The following EYA1 variants were observed in gnomAD, a reference collection of about 807,000 sequenced individuals.
The protein encoded by EYA1 is protein phosphatase EYA1.
In EYA1, 16 loss-of-function variants were observed where a neutral mutation model predicts 82.0. That is an observed-to-expected ratio of 0.20 (90% CI 0.13 to 0.30). The LOEUF is 0.30. Ranked by LOEUF, EYA1 falls within the 10% of genes least tolerant of loss-of-function variation. EYA1 has a pLI of 1.00. For synonymous variants in EYA1, 261 were observed against 264.4 expected (o/e 0.99, Z 0.12); for missense variants, 633 against 730.7 (o/e 0.87, Z 1.54).
chr8:71,444,284 T>C (rs190881205), intron 2 of EYA1, among the ~76,000 whole-genome samples: 1 of 152,282 alleles, frequency 6.6e-6, no homozygotes, highest in Admixed American at 6.5e-5. Context: ...AATCTTAACA[T>C]GAGTAAAAGT....
chr8:71,269,155 G>T (rs1191789569), intron 11 of EYA1, among the ~76,000 whole-genome samples: 2 of 152,206 alleles, frequency 1.3e-5, no homozygotes, highest in Non-Finnish European at 2.9e-5. Flanking sequence ...TTCACTCACA[G>T]AAGGTGGTCT....
intron 12 of EYA1, among the ~76,000 whole-genome samples, chr8:71,231,628 G>C (rs1045970175): frequency 6.6e-6 from 1 of 152,150 alleles, no homozygotes; most frequent in Non-Finnish European, 1.5e-5. Context: ...CAGTATCTGG[G>C]CTCCTTGACA....
chr8:71,502,031 G>C (rs899879784), intron 2 of EYA1, among the ~76,000 whole-genome samples: 6 of 152,162 alleles, frequency 3.9e-5, no homozygotes, highest in Non-Finnish European at 5.9e-5. Flanking sequence ...AAAGTACCTA[G>C]TAAGGTACCA....
chr8:71,543,654 A>T (rs1815329984), intron 1 of EYA1, among the ~76,000 whole-genome samples: 1 of 152,144 alleles, frequency 6.6e-6, no homozygotes, highest in Non-Finnish European at 1.5e-5. Flanking sequence ...TGCAGGTGAG[A>T]TTTATTCCTA....
chr8:71,270,269 G>A (rs1251490985), intron 10 of EYA1: 2 of 161,416 alleles, frequency 1.2e-5, no homozygotes, highest in Non-Finnish European at 2.7e-5. Flanking sequence ...AGGAAGCCAA[G>A]TATTAAAATT....
At position 71,535,924 on chromosome 8, in the gene EYA1, C is replaced by T; in HGVS notation, c.-72-76G>A. The T allele has an allele frequency of 6.7e-6, 3 of 450,868 alleles. No individual in the cohort carries two copies. The South Asian group carries it at 1.6e-4, about 25-fold the overall frequency. 27.9% of individuals were successfully genotyped at this position (450,868 alleles called of 1,614,324 possible). ...TCAGAGCTGGCCTTCACATCTGCAG[C>T]TTTCCATTTACCAGCATGTATACAC... On this transcript the variant is annotated intron_variant, in intron 1 of 18. Coordinates refer to the EYA1 transcript ENST00000643681.
chr8:71,334,098 T>C lies in EYA1; in HGVS notation c.201A>G (p.Ser67=), dbSNP rs2129046974. 3 of 1,610,374 alleles carry C rather than the reference T, an allele frequency of 1.9e-6. No homozygotes were observed. The highest frequency in any genetic ancestry group is 8.5e-7 in the Non-Finnish European group (1 of 1,176,702). ...ADGSLNNFSG[S]AIGSSSFSPR... ...GAAAATCTAATATTTATTCCTTACC[T>C]GAACCTGAGAAATTGTTTAAAGACC... The change falls in exon 4 of 18, where the codon TCA becomes TCG. Residue 67 remains serine (S), a splice_region_variant and synonymous_variant. Transcript: ENST00000340726.
At chr8:71,230,925 T>G (rs1207672892) in intron 12 of EYA1, among the ~76,000 whole-genome samples, 1 of 152,224 alleles carries the variant, frequency 6.6e-6, no homozygotes, top group Non-Finnish European at 1.5e-5. Context: ...GCTTCCAGCT[T>G]CTGTTTTCTG....
At chr8:71,379,606 T>G (rs1028288970) in intron 2 of EYA1, among the ~76,000 whole-genome samples, 8 of 152,228 alleles carry the variant, frequency 5.3e-5, no homozygotes, top group African/African-American at 1.9e-4. Context: ...ATTTCACACC[T>G]GAATTGTACA....
intron 4 of EYA1, among the ~76,000 whole-genome samples, chr8:71,331,464 A>G (rs1447514577): frequency 7.0e-6 from 1 of 142,200 alleles, no homozygotes; most frequent in Non-Finnish European, 1.5e-5. Context: ...CTTTAAAAGT[A>G]TTACTTTTTA....
intron 11 of EYA1, among the ~76,000 whole-genome samples, chr8:71,253,528 A>G (rs1814007726): frequency 6.6e-6 from 1 of 152,142 alleles, no homozygotes; most frequent in Admixed American, 6.5e-5. Context: ...AGCATGTTAG[A>G]TTGTATATAA....
chr8:71,213,821 G>T (rs1329824351), intron 16 of EYA1, among the ~76,000 whole-genome samples: 1 of 152,162 alleles, frequency 6.6e-6, no homozygotes, highest in African/African-American at 2.4e-5. Flanking sequence ...GTGCCTAAAA[G>T]AAATCTTGTG....
intron 2 of EYA1, among the ~76,000 whole-genome samples, chr8:71,528,981 C>T (rs1814041161): frequency 6.6e-6 from 1 of 152,148 alleles, no homozygotes; most frequent in Non-Finnish European, 1.5e-5. Flanking sequence ...GTATATACTG[C>T]TTTACAGTTT....
intron 2 of EYA1, among the ~76,000 whole-genome samples, chr8:71,391,861 G>T (rs1829297668): frequency 6.6e-6 from 1 of 151,676 alleles, no homozygotes; most frequent in Non-Finnish European, 1.5e-5. Context: ...TGAGCCCAGG[G>T]TGTTTGCCAT....
Position 71,217,339 on chromosome 8 carries a change from C to T in EYA1, c.1141-316G>A, listed in dbSNP as rs141744993. 1.2e-3 allele frequency among the ~76,000 whole-genome samples: 177 copies of T among 152,330 alleles called. 1 individual carries two copies. The highest frequency in any genetic ancestry group is 3.5e-3 in the Admixed American group (53 of 15,296). Reference sequence around the variant, plus strand: ...ACCTCAGGTACCTTAAGCCATCATGCTGCTCAGAGCTGATTCAGTCAGTGC... The same window carrying T: ...ACCTCAGGTACCTTAAGCCATCATGTTGCTCAGAGCTGATTCAGTCAGTGC... On this transcript the variant is annotated intron_variant, in intron 12 of 17. Transcript: ENST00000340726.
chr8:71,205,228 CA>C lies in EYA1; in HGVS notation c.1699-5809del, dbSNP rs534718043. 4.9e-3 allele frequency among the ~76,000 whole-genome samples: 747 copies of C among 152,184 alleles called. 4 individuals carry two copies. Among genetic ancestry groups the C allele is most frequent in the Non-Finnish European group, 7.9e-3 (536 of 67,980 alleles). On this transcript the variant is annotated intron_variant, in intron 17 of 17. Coordinates refer to ENST00000340726, the MANE Select transcript of EYA1 (RefSeq NM_000503.6). The stretch of plus-strand genomic sequence containing the variant: ...CCATTTTTTCTCCCTTTGCCATAAA[CA>C]AGAGATTTATTTTAAATAGTTCTCT...
chr8:71,472,245 C>G (rs568216252), intron 2 of EYA1, among the ~76,000 whole-genome samples: 1 of 152,094 alleles, frequency 6.6e-6, no homozygotes, highest in Non-Finnish European at 1.5e-5. Context: ...CTACTTCTAG[C>G]CAATTGTCCT....
intron 2 of EYA1, among the ~76,000 whole-genome samples, chr8:71,436,159 T>G (rs1038575349): frequency 1.3e-5 from 2 of 152,086 alleles, no homozygotes; most frequent in African/African-American, 4.8e-5. Context: ...GCATCTTAAA[T>G]GATATGACAT....
Position 71,216,797 on chromosome 8 carries a change from A to T in EYA1, c.1255T>A (p.Cys419Ser). Residue 419 changes from cysteine to serine, a missense_variant, in exon 14 of 18, where the codon TGT becomes AGT. Physicochemically the swap from Cys to Ser is moderately radical, Grantham distance 112. Coordinates refer to ENST00000340726, the MANE Select transcript of EYA1 (RefSeq NM_000503.6). ...FPAAATSANL[C>S]LATGVRGGVD... ...CCGCCCCGTACACCAGTTGCCAAACATAAGTTAGCACTGGTTGCTGCAGCA... is the reference window on the plus strand; with the variant it reads ...CCGCCCCGTACACCAGTTGCCAAACTTAAGTTAGCACTGGTTGCTGCAGCA... The T allele has an allele frequency of 6.2e-7, 1 of 1,614,196 alleles. No homozygotes were observed. The highest frequency in any genetic ancestry group is 8.5e-7 in the Non-Finnish European group (1 of 1,180,012).
Sources: allele counts gnomAD v4.1 joint callset (sites outside exome capture counted in the v4.1 genomes callset), GRCh38; gene constraint gnomAD v4.1.1; transcripts MANE v1.5; gene names NCBI Gene and HGNC (gene_info 2026-07-23, HGNC 2026-07-21).